Variants in BIRC3 observed in about 807,000 individuals in gnomAD.
The protein encoded by BIRC3 is baculoviral IAP repeat containing 3, also known as baculoviral IAP repeat-containing protein 3.
BIRC3 carries 26 observed loss-of-function variants against 59.0 expected under a neutral mutation model. The observed-to-expected ratio is 0.44, with a 90% CI of 0.32 to 0.61. BIRC3 has a LOEUF of 0.61. Among genes scored for constraint, BIRC3 ranks in the 20% least tolerant of loss-of-function variants. The pLI is 0.04. For synonymous variants in BIRC3, 243 were observed against 249.2 expected (o/e 0.98, Z 0.24); for missense variants, 641 against 711.5 (o/e 0.90, Z 1.13).
At chr11:102,332,603 G>T (rs899710124) in intron 6 of BIRC3, among the ~76,000 whole-genome samples, 1 of 152,156 alleles carries the variant, frequency 6.6e-6, no homozygotes, top group South Asian at 2.1e-4. Flanking sequence ...CTTGTGCAAG[G>T]CCATCTGGGA....
intron 6 of BIRC3, among the ~76,000 whole-genome samples, chr11:102,334,361 A>G (rs1951175280): frequency 1.3e-5 from 2 of 152,308 alleles, no homozygotes; most frequent in East Asian, 1.9e-4. Context: ...TGTGCCAGAC[A>G]CTATTCTAGC....
At chr11:102,334,233 A>G (rs774836583) in intron 6 of BIRC3, among the ~76,000 whole-genome samples, 7 of 152,220 alleles carry the variant, frequency 4.6e-5, no homozygotes, top group Admixed American at 1.3e-4. Context: ...TTAACAAAAT[A>G]TATTAAGTTC....
At position 102,323,819 on chromosome 11, in the gene BIRC3, A is replaced by G. The variant is rs1951055420; in HGVS notation, c.-691A>G. 1 of 201,464 alleles carries G rather than the reference A, an allele frequency of 5.0e-6. No homozygotes were observed. Among genetic ancestry groups the G allele is most frequent in the South Asian group, 1.9e-4 (1 of 5,238 alleles). The allele number at this position is 201,464 out of a possible 1,614,324, so 12.5% of individuals were successfully genotyped here. A position where few individuals can be genotyped will look rare whatever the true frequency, so the allele number is the denominator to read the frequency against. The stretch of plus-strand genomic sequence containing the variant: ...AATGTCTTCAGTTGTAAATCTTACC[A>G]TTATTTTACGTACCTCTAAGAAATA... On this transcript the variant is annotated 5_prime_UTR_variant, in exon 2 of 9. Coordinates refer to ENST00000263464, the MANE Select transcript of BIRC3 (RefSeq NM_001165.5).
At chr11:102,328,972 C>T in intron 5 of BIRC3, 27 bp downstream of exon 5, 1 of 1,317,302 alleles carries the variant, frequency 7.6e-7, no homozygotes. Context: ...ATAATGAATG[C>T]ATTTAAATAG....
chr11:102,335,305 T>C (rs1430029677), intron 6 of BIRC3, among the ~76,000 whole-genome samples: 12 of 152,212 alleles, frequency 7.9e-5, no homozygotes, highest in Non-Finnish European at 2.9e-5. Context: ...GAAAAAATTG[T>C]TTTAATTCTC....
chr11:102,337,458 G>A lies in BIRC3; in HGVS notation c.*356G>A, dbSNP rs999161687. 1 of 398,380 alleles carries A rather than the reference G, an allele frequency of 2.5e-6. No homozygotes were observed. Among genetic ancestry groups the A allele is most frequent in the African/African-American group, 2.1e-5 (1 of 48,552 alleles). 24.7% of individuals were successfully genotyped at this position (398,380 alleles called of 1,614,324 possible). On this transcript the variant is annotated 3_prime_UTR_variant, in exon 9 of 9. Coordinates refer to ENST00000263464, the MANE Select transcript of BIRC3 (RefSeq NM_001165.5). ...ATTGTACTAATACCGGGAACATGAA[G>A]CCAGGTGTGGTGGTATGTGCCTGTA...
Position 102,324,532 on chromosome 11 carries a change from T to C in BIRC3, c.23T>C (p.Ile8Thr). 6.2e-7 allele frequency: 1 copy of C among 1,613,612 alleles called. No homozygotes were observed. Among genetic ancestry groups the C allele is most frequent in the Admixed American group, 1.7e-5 (1 of 59,998 alleles). ...ATTATGAACATAGTAGAAAACAGCA[T>C]ATTCTTATCAAATTTGATGAAAAGC... MNIVENSIFLSNLMKSAN... is the reference protein window; with the variant it reads MNIVENSTFLSNLMKSAN... The change falls in exon 2 of 9, where the codon ATA (isoleucine) becomes ACA (threonine). Residue 8 changes from isoleucine (I) to threonine (T), a missense_variant. Ile to Thr is a moderately conservative substitution (Grantham distance 89). This residue lies in a region of BIRC3 where 329 missense variants were observed against 365.6 expected (regional missense o/e 0.90). Coordinates refer to ENST00000263464, the MANE Select transcript of BIRC3 (RefSeq NM_001165.5).
At chr11:102,320,603 T>C (rs1173180860) in intron 1 of BIRC3, among the ~76,000 whole-genome samples, 1 of 152,234 alleles carries the variant, frequency 6.6e-6, no homozygotes, top group Non-Finnish European at 1.5e-5. Context: ...ATACTCTGTT[T>C]ACGTATTTGA....
At chr11:102,328,366 C>G (rs966792780) in intron 4 of BIRC3, among the ~76,000 whole-genome samples, 1 of 152,082 alleles carries the variant, frequency 6.6e-6, no homozygotes, top group Non-Finnish European at 1.5e-5. Context: ...TGCAATAAAT[C>G]AAACTTCGAG....
chr11:102,324,412 C>T lies in BIRC3; in HGVS notation c.-98C>T. On this transcript the variant is annotated 5_prime_UTR_variant, in exon 2 of 9. Transcript: ENST00000263464. The stretch of plus-strand genomic sequence containing the variant: ...AATAATAAAAAATTTTTCATTTTGG[C>T]TTTTCAGCCTAGTATTAAAACTGAT... The T allele has an allele frequency of 7.2e-6, 10 of 1,391,268 alleles. No individual in the cohort carries two copies. Among genetic ancestry groups the T allele is most frequent in the Non-Finnish European group, 8.6e-6 (9 of 1,045,896 alleles). The allele number at this position is 1,391,268 out of a possible 1,614,324, so 86.2% of individuals were successfully genotyped here. A position where few individuals can be genotyped will look rare whatever the true frequency, so the allele number is the denominator to read the frequency against.
At chr11:102,328,694 CTATTA>C (rs1194242690) in intron 4 of BIRC3, among the ~76,000 whole-genome samples, 198 bp from the exon 5 acceptor site, 7 of 152,080 alleles carry the variant, frequency 4.6e-5, no homozygotes, top group Middle Eastern at 3.4e-3. Context: ...CACTGAAACT[CTATTA>C]GTTTATGGCC....
At chr11:102,336,638 G>A in intron 7 of BIRC3, 122 bp from the exon 8 acceptor site, 1 of 910,688 alleles carries the variant, frequency 1.1e-6, no homozygotes, top group East Asian at 2.6e-5. Flanking sequence ...AAAGATTAAA[G>A]ACTTCTGTTG....
chr11:102,337,582 A>G lies in BIRC3; in HGVS notation c.*480A>G, dbSNP rs572655244. The G allele has an allele frequency of 2.1e-5, 8 of 375,896 alleles. No individual in the cohort carries two copies. The South Asian group carries it at 8.8e-4, about 42-fold the overall frequency. The allele number at this position is 375,896 out of a possible 1,614,324, so 23.3% of individuals were successfully genotyped here. On this transcript the variant is annotated 3_prime_UTR_variant, in exon 9 of 9. Coordinates refer to ENST00000263464, the MANE Select transcript of BIRC3 (RefSeq NM_001165.5). ...GCCTTTAAAAACAAACAGAACAAAA[A>G]CAAAACACCAGGGACACATTTCTCT...
chr11:102,319,647 AATGAG>A (rs1224371675), intron 1 of BIRC3, among the ~76,000 whole-genome samples: 5 of 152,206 alleles, frequency 3.3e-5, no homozygotes, highest in Non-Finnish European at 5.9e-5. Flanking sequence ...ATTGACTGAA[AATGAG>A]ATGGAGTGCA....
At chr11:102,334,461 T>C (rs1343326483) in intron 6 of BIRC3, among the ~76,000 whole-genome samples, 2 of 152,212 alleles carry the variant, frequency 1.3e-5, no homozygotes, top group Admixed American at 6.5e-5. Flanking sequence ...ATCATCTTTA[T>C]TTTCTGGTTG....
Position 102,323,452 on chromosome 11 carries a change from AT to A in BIRC3, c.-1056del, listed in dbSNP as rs1951051153. The A allele has an allele frequency of 5.3e-6, 1 of 188,814 alleles. No individual in the cohort carries two copies. Among genetic ancestry groups the A allele is most frequent in the Admixed American group, 6.2e-5 (1 of 16,168 alleles). The allele number at this position is 188,814 out of a possible 1,614,324, so 11.7% of individuals were successfully genotyped here. Reference sequence around the variant, plus strand: ...TACTATTAGAATAAAAAAACTTAACATTGAGTTGCTTCAACAGCATGAAACT... The same window carrying A: ...TACTATTAGAATAAAAAAACTTAACATGAGTTGCTTCAACAGCATGAAACT... On this transcript the variant is annotated 5_prime_UTR_variant, in exon 2 of 9. In the 5' UTR this introduces an upstream ATG that the reference lacks. Transcript: ENST00000263464.
At chr11:102,332,368 A>G (rs1393694712) in intron 6 of BIRC3, among the ~76,000 whole-genome samples, 3 of 152,198 alleles carry the variant, frequency 2.0e-5, no homozygotes, top group African/African-American at 7.2e-5. Flanking sequence ...GAAGGGAATT[A>G]TATCACAAAT....
At chr11:102,335,903 G>A in intron 6 of BIRC3, 63 bp from the exon 7 acceptor site, 1 of 1,492,150 alleles carries the variant, frequency 6.7e-7, no homozygotes, top group Non-Finnish European at 9.1e-7. Flanking sequence ...ATATATATAG[G>A]ACTGGAAGGA....
intron 3 of BIRC3, chr11:102,326,846 T>G (rs1356270378): frequency 2.2e-6 from 1 of 450,918 alleles, no homozygotes; most frequent in Non-Finnish European, 4.4e-6. Context: ...GTAGCTGGGA[T>G]TACAGGTGCA....
Sources: allele counts gnomAD v4.1 joint callset (sites outside exome capture counted in the v4.1 genomes callset), GRCh38; gene constraint gnomAD v4.1.1; regional missense constraint gnomAD v4.1.1; transcripts MANE v1.5; gene names NCBI Gene and HGNC (gene_info 2026-07-23, HGNC 2026-07-21).